Variants in WFDC11 observed in about 807,000 individuals in gnomAD.
WFDC11 encodes the protein protein WFDC11.
A neutral mutation model predicts 9.9 loss-of-function variants in WFDC11; 9 were observed. That is an observed-to-expected ratio of 0.91 (90% CI 0.55 to 1.58). The LOEUF (loss-of-function observed/expected upper bound fraction) is 1.58, where lower values mean the gene tolerates loss of function less well. WFDC11 is among the 40% of genes most tolerant of loss of function. WFDC11 has a pLI of 0.00. For synonymous variants in WFDC11, 32 were observed against 33.3 expected, an observed-to-expected ratio of 0.96 and a Z score of 0.13; for missense variants, 106 against 101.7, an observed-to-expected ratio of 1.04 and a Z score of -0.18.
At chr20:45,660,427 T>C (rs1021320675) in intron 2 of WFDC11, among the ~76,000 whole-genome samples, 6 of 152,236 alleles carry the variant, frequency 3.9e-5, no homozygotes, top group Admixed American at 6.6e-5. Context: ...ATTTTATTAT[T>C]ATTATACTTT....
chr20:45,661,605 G>A (rs1983067374), intron 2 of WFDC11, among the ~76,000 whole-genome samples: 1 of 152,156 alleles, frequency 6.6e-6, no homozygotes, highest in Admixed American at 6.5e-5. Flanking sequence ...TACGGTGTAA[G>A]GAAGGGATCC....
chr20:45,664,077 C>G (rs919148274), intron 2 of WFDC11, among the ~76,000 whole-genome samples: 1 of 152,154 alleles, frequency 6.6e-6, no homozygotes, highest in African/African-American at 2.4e-5. Flanking sequence ...TTGCAGGTCT[C>G]TAAGGACTTG....
At chr20:45,664,959 C>T (rs1983156903) in intron 2 of WFDC11, among the ~76,000 whole-genome samples, 1 of 152,158 alleles carries the variant, frequency 6.6e-6, no homozygotes, top group South Asian at 2.1e-4. Flanking sequence ...TGAATGTTGG[C>T]CTGCCTTGCT....
chr20:45,655,491 A>C (rs1343684986), intron 2 of WFDC11, among the ~76,000 whole-genome samples: 2 of 152,198 alleles, frequency 1.3e-5, no homozygotes, highest in African/African-American at 4.8e-5. Context: ...GAAGGGGCAA[A>C]AACTGGAAGC....
At chr20:45,660,987 T>A (rs374743819) in intron 2 of WFDC11, among the ~76,000 whole-genome samples, 1 of 152,160 alleles carries the variant, frequency 6.6e-6, no homozygotes, top group African/African-American at 2.4e-5. Context: ...TTGAGGAATC[T>A]CCACACTGAC....
At chr20:45,664,490 A>T (rs1983145270) in intron 2 of WFDC11, among the ~76,000 whole-genome samples, 1 of 152,142 alleles carries the variant, frequency 6.6e-6, no homozygotes, top group Non-Finnish European at 1.5e-5. Context: ...TTGCCCATTA[A>T]TTGATGCAGT....
intron 2 of WFDC11, among the ~76,000 whole-genome samples, chr20:45,651,447 A>C (rs1982804322): frequency 6.6e-6 from 1 of 152,138 alleles, no homozygotes; most frequent in Non-Finnish European, 1.5e-5. Flanking sequence ...ATGTCACACA[A>C]TATTTATTCA....
rs1982736775 is a variant in WFDC11 at position 45,648,742 on chromosome 20, G to T, written c.244-3C>A. On this transcript the variant is annotated splice_region_variant and splice_polypyrimidine_tract_variant and intron_variant, in intron 4 of 4. Coordinates refer to ENST00000324384, the MANE Select transcript of WFDC11 (RefSeq NM_147197.2). ...TTTTAGTAATCTCCACTGGTTTCCT[G>T]TAAAACAAAAAGGTTAGATTTTTAG... 6.2e-7 allele frequency: 1 copy of T among 1,613,930 alleles called. No individual in the cohort carries two copies. The highest frequency in any genetic ancestry group is 8.5e-7 in the Non-Finnish European group (1 of 1,179,942).
intron 3 of WFDC11, 115 bp downstream of exon 3, chr20:45,650,386 G>A (rs1190188911): frequency 1.3e-6 from 1 of 744,656 alleles, no homozygotes; most frequent in Non-Finnish European, 2.3e-6. Context: ...TCTCTGATGG[G>A]TGATACTACG....
Position 45,659,514 on chromosome 20 carries a change from T to C in WFDC11, c.-52+7574A>G, listed in dbSNP as rs184236046. 3.3e-5 allele frequency among the ~76,000 whole-genome samples: 5 copies of C among 152,386 alleles called. No individual in the cohort carries two copies. The East Asian group carries it at 9.6e-4, about 29-fold the overall frequency. Reference sequence around the variant, plus strand: ...TGTTGGCTGCATAAACGTCTTCTTCTGAGAAGTGTCTGTTCATATCCTTCG... The same window carrying C: ...TGTTGGCTGCATAAACGTCTTCTTCCGAGAAGTGTCTGTTCATATCCTTCG... On this transcript the variant is annotated intron_variant, in intron 2 of 4. Transcript: ENST00000324384.
Position 45,649,418 on chromosome 20 carries a change from G to T in WFDC11, c.101-19C>A. ...TCCTTCCCTGAAATTGAGATGAGAT[G>T]GTCAAAGGTTGATGGTATGTTTCAG... On this transcript the variant is annotated intron_variant, in intron 3 of 4. Coordinates refer to ENST00000324384, the MANE Select transcript of WFDC11 (RefSeq NM_147197.2). 6.2e-7 allele frequency: 1 copy of T among 1,612,082 alleles called. No homozygotes were observed. Among genetic ancestry groups the T allele is most frequent in the Non-Finnish European group, 8.5e-7 (1 of 1,179,520 alleles).
intron 2 of WFDC11, among the ~76,000 whole-genome samples, chr20:45,661,103 G>T (rs536565671): frequency 2.6e-4 from 40 of 152,214 alleles, no homozygotes; most frequent in East Asian, 1.7e-3. Context: ...TTTAATGATT[G>T]CCATTCTAAC....
chr20:45,669,760 A>T (rs1363326882), intron 1 of WFDC11, among the ~76,000 whole-genome samples: 1 of 152,224 alleles, frequency 6.6e-6, no homozygotes, highest in Admixed American at 6.5e-5. Context: ...CACCTAGAGG[A>T]ACTTGAAAAA....
intron 2 of WFDC11, among the ~76,000 whole-genome samples, chr20:45,654,740 T>G (rs1878285252): frequency 6.6e-6 from 1 of 151,906 alleles, no homozygotes; most frequent in Non-Finnish European, 1.5e-5. Context: ...TAAAAAATGA[T>G]AAAGGGGATA....
intron 2 of WFDC11, among the ~76,000 whole-genome samples, chr20:45,650,941 G>C (rs1372798523): frequency 6.6e-6 from 1 of 152,078 alleles, no homozygotes; most frequent in African/African-American, 2.4e-5. Flanking sequence ...TTAGGTTTGG[G>C]GTACATGTGA....
intron 2 of WFDC11, among the ~76,000 whole-genome samples, chr20:45,657,062 A>G (rs1306293814): frequency 2.0e-5 from 3 of 152,190 alleles, no homozygotes; most frequent in Non-Finnish European, 4.4e-5. Flanking sequence ...ATACCATTTG[A>G]CCCAGCCATC....
At chr20:45,660,440 G>C (rs1467341075) in intron 2 of WFDC11, among the ~76,000 whole-genome samples, 1 of 151,768 alleles carries the variant, frequency 6.6e-6, no homozygotes, top group Non-Finnish European at 1.5e-5. Context: ...TATACTTTAA[G>C]TTTTAGGGTA....
chr20:45,660,901 G>A (rs936490591), intron 2 of WFDC11, among the ~76,000 whole-genome samples: 1 of 152,174 alleles, frequency 6.6e-6, no homozygotes, highest in Non-Finnish European at 1.5e-5. Flanking sequence ...CTTTATAGCA[G>A]CATGACTTAT....
At chr20:45,658,951 G>T (rs1982996197) in intron 2 of WFDC11, among the ~76,000 whole-genome samples, 5 of 150,656 alleles carry the variant, frequency 3.3e-5, no homozygotes, top group Admixed American at 3.3e-4. Flanking sequence ...CCACTTATGA[G>T]AACATGCAGT....
Sources: allele counts gnomAD v4.1 joint callset (sites outside exome capture counted in the v4.1 genomes callset), GRCh38; gene constraint gnomAD v4.1.1; transcripts MANE v1.5; gene names NCBI Gene and HGNC (gene_info 2026-07-23, HGNC 2026-07-21).